Variants in MAD1L1 observed in about 807,000 individuals in gnomAD.
The protein encoded by MAD1L1 is mitotic spindle assembly checkpoint protein MAD1.
Under a neutral mutation model 96.9 loss-of-function variants are expected in MAD1L1, and 95 were observed. The ratio of observed to expected loss-of-function variants is 0.98; its 90% CI spans 0.83 to 1.16. The LOEUF (loss-of-function observed/expected upper bound fraction) is 1.16. Among genes scored for constraint, MAD1L1 ranks in the 50% most tolerant of loss-of-function variants. The pLI is 0.00. For missense variants in MAD1L1, 1,007 were observed against 954.4 expected (o/e 1.06, Z -0.73); for synonymous variants, 473 against 396.6 (o/e 1.19, Z -2.29).
In MAD1L1 at chr7:1,910,511, C is replaced by T. The variant is rs150633481; in HGVS notation, c.1808-12121G>A. Among the ~76,000 whole-genome samples the T allele has an allele frequency of 4.3e-3, 654 of 152,346 alleles. 5 individuals are homozygous for T. Among genetic ancestry groups the T allele is most frequent in the African/African-American group, 0.014 (600 of 41,582 alleles). The stretch of plus-strand genomic sequence containing the variant: ...GCCGCGGAGCCAAAGCTGGAGCCCA[C>T]GCTGGGCACTGCCCTGGGGGCTGAG... On this transcript the variant is annotated intron_variant, in intron 17 of 18. Transcript: ENST00000265854.
intron 17 of MAD1L1, among the ~76,000 whole-genome samples, chr7:1,900,053 G>A (rs1192840511): frequency 1.3e-5 from 2 of 152,218 alleles, no homozygotes; most frequent in African/African-American, 2.4e-5. Context: ...GCCAGATCAC[G>A]TGCCGGAGGC....
intron 10 of MAD1L1, among the ~76,000 whole-genome samples, chr7:2,179,325 T>A (rs1791081179): frequency 1.3e-5 from 2 of 151,834 alleles, no homozygotes; most frequent in African/African-American, 4.8e-5. Context: ...GTCAGGAATT[T>A]GAGACCAGCC....
At chr7:1,979,049 C>A (rs1021739673) in intron 15 of MAD1L1, among the ~76,000 whole-genome samples, 1 of 152,232 alleles carries the variant, frequency 6.6e-6, no homozygotes, top group Non-Finnish European at 1.5e-5. Context: ...TGGGCCGGGG[C>A]CACACTAAAG....
intron 18 of MAD1L1, among the ~76,000 whole-genome samples, chr7:1,872,319 T>C (rs2128657404): frequency 6.6e-6 from 1 of 152,328 alleles, no homozygotes; most frequent in East Asian, 1.9e-4. Context: ...CCCAGCGGCC[T>C]GGCCGATGGC....
intron 17 of MAD1L1, among the ~76,000 whole-genome samples, chr7:1,931,074 ACC>A (rs1436140500): frequency 2.7e-5 from 4 of 147,186 alleles, no homozygotes; most frequent in African/African-American, 1.1e-4. Flanking sequence ...TCCTCACCCC[ACC>A]CACGGTCACA....
Position 2,119,430 on chromosome 7 carries a change from C to T in MAD1L1, c.1073+29722G>A, listed in dbSNP as rs117230269. Among the ~76,000 whole-genome samples, 1,532 of 152,232 alleles carry T rather than the reference C, an allele frequency of 0.01. 14 individuals carry two copies. The highest frequency in any genetic ancestry group is 0.017 in the Non-Finnish European group (1,141 of 68,004). ...CCCAGATGCGATGAGCAGGAGCTGT[C>T]GTGGGGCGCACACTCTCTGTAGCTG... On this transcript the variant is annotated intron_variant, in intron 11 of 18. Transcript: ENST00000265854. This position sits in a 1 kb window ranked among gnomAD's most constrained non-coding sequence, Gnocchi z 4.6.
At chr7:1,850,700 G>T (rs1783923835) in intron 18 of MAD1L1, among the ~76,000 whole-genome samples, 2 of 152,168 alleles carry the variant, frequency 1.3e-5, no homozygotes. Context: ...AGGGCACAGG[G>T]CTAGCCCTGT....
At chr7:2,059,635 C>T (rs1465332747) in intron 12 of MAD1L1, among the ~76,000 whole-genome samples, 8 of 125,994 alleles carry the variant, frequency 6.3e-5, no homozygotes, top group East Asian at 2.5e-4. Flanking sequence ...AGGAGAGGCG[C>T]GGGGCTGGAG....
At chr7:2,179,172 C>T (rs977442111) in intron 10 of MAD1L1, among the ~76,000 whole-genome samples, 1 of 152,254 alleles carries the variant, frequency 6.6e-6, no homozygotes, top group South Asian at 2.1e-4. Flanking sequence ...AAGAAGAGTG[C>T]GCCTGGGGCA....
At chr7:1,966,175 G>C (rs115393451) in intron 15 of MAD1L1, among the ~76,000 whole-genome samples, 1 of 152,246 alleles carries the variant, frequency 6.6e-6, no homozygotes, top group Non-Finnish European at 1.5e-5. Flanking sequence ...TGGGAACCGC[G>C]CCCCACAGAA....
rs186151683 is a variant in MAD1L1, at chr7:2,161,409, C to T, written c.987-12171G>A. 1.4e-4 allele frequency among the ~76,000 whole-genome samples: 22 copies of T among 152,208 alleles called. No individual in the cohort carries two copies. In the East Asian group the frequency reaches 4.3e-3, roughly 30 times the overall value. ...GACGGAGTCTCACTCACTCAGTGCT[C>T]AGTGTTGCCCAGCCTGGAGTGCAGT... On this transcript the variant is annotated intron_variant, in intron 10 of 18. Transcript: ENST00000265854.
In MAD1L1 at chr7:1,854,098, A is replaced by T. The variant is rs537590325; in HGVS notation, c.1999-37870T>A. Among the ~76,000 whole-genome samples the T allele has an allele frequency of 2.0e-5, 3 of 152,198 alleles. No individual in the cohort carries two copies. The East Asian group carries it at 5.8e-4, about 30-fold the overall frequency. On this transcript the variant is annotated intron_variant, in intron 18 of 18. Transcript: ENST00000265854. Reference sequence around the variant, plus strand: ...TCGGGTACATTTATCCACCCCATCCAGGCGTGGCGGAGGCCACATCACTCA... The same window carrying T: ...TCGGGTACATTTATCCACCCCATCCTGGCGTGGCGGAGGCCACATCACTCA...
chr7:2,039,157 G>A (rs534417109), intron 12 of MAD1L1, among the ~76,000 whole-genome samples: 4 of 152,308 alleles, frequency 2.6e-5, no homozygotes, highest in East Asian at 3.9e-4. Flanking sequence ...TCTTCGCTCC[G>A]CTAAACTCCC....
intron 12 of MAD1L1, among the ~76,000 whole-genome samples, chr7:2,030,851 G>A (rs892562320): frequency 2.6e-5 from 4 of 152,146 alleles, no homozygotes; most frequent in East Asian, 1.9e-4. Flanking sequence ...TGGTGCTCTC[G>A]GCCAACCTTG....
chr7:2,023,192 A>G (rs1356013070), intron 12 of MAD1L1, among the ~76,000 whole-genome samples: 1 of 152,254 alleles, frequency 6.6e-6, no homozygotes, highest in Non-Finnish European at 1.5e-5. Flanking sequence ...AACTGGGTCT[A>G]AATGACAATG....
intron 12 of MAD1L1, among the ~76,000 whole-genome samples, chr7:2,066,729 C>T (rs1784890550): frequency 6.6e-6 from 1 of 152,170 alleles, no homozygotes; most frequent in Admixed American, 6.5e-5. Context: ...GGGATGAAAA[C>T]CACACCAGAC....
intron 13 of MAD1L1, among the ~76,000 whole-genome samples, chr7:2,004,676 G>A (rs1240859169): frequency 6.6e-6 from 1 of 152,214 alleles, no homozygotes; most frequent in Non-Finnish European, 1.5e-5. Context: ...ACAGCCTCCG[G>A]CGCCACGCGG....
intron 14 of MAD1L1, among the ~76,000 whole-genome samples, chr7:1,998,426 G>T (rs1781651722): frequency 6.6e-6 from 1 of 152,222 alleles, no homozygotes; most frequent in South Asian, 2.1e-4. Flanking sequence ...CGAGGGCTTG[G>T]CCTGTGCTCA....
At chr7:1,938,032 ACGC>A (rs1383657476) in intron 16 of MAD1L1, among the ~76,000 whole-genome samples, 2 of 1,026 alleles carry the variant, frequency 1.9e-3, no homozygotes, top group Admixed American at 0.011. Flanking sequence ...CCCCGACCTC[ACGC>A]CACACACAAA....
Sources: allele counts gnomAD v4.1 joint callset (sites outside exome capture counted in the v4.1 genomes callset), GRCh38; gene constraint gnomAD v4.1.1; non-coding constraint Gnocchi (gnomAD v3.1); transcripts MANE v1.5; gene names NCBI Gene and HGNC (gene_info 2026-07-23, HGNC 2026-07-21).